Variants in SRGAP1 observed in about 807,000 individuals in gnomAD.
SRGAP1 encodes the protein SLIT-ROBO Rho GTPase activating protein 1, also known as SLIT-ROBO Rho GTPase-activating protein 1.
Under a neutral mutation model 121.9 loss-of-function variants are expected in SRGAP1, and 43 were observed. That is an observed-to-expected ratio of 0.35 (90% confidence interval 0.28 to 0.46). The LOEUF is 0.46. Ranked by LOEUF, SRGAP1 falls within the 20% of genes least tolerant of loss-of-function variation. SRGAP1 has a pLI of 1.00. For missense variants in SRGAP1, 1,102 were observed against 1,350.9 expected (o/e 0.82, Z 2.89); for synonymous variants, 447 against 485.4 (o/e 0.92, Z 1.04).
At chr12:64,080,458 G>C in intron 10 of SRGAP1, 88 bp downstream of exon 10, 1 of 1,169,248 alleles carries the variant, frequency 8.6e-7, no homozygotes, top group Non-Finnish European at 1.3e-6. Flanking sequence ...TTGTATATTT[G>C]TGCTTTAAGA....
chr12:63,923,892 C>T (rs532149612), intron 1 of SRGAP1, among the ~76,000 whole-genome samples: 42 of 152,288 alleles, frequency 2.8e-4, no homozygotes, highest in African/African-American at 8.7e-4. Context: ...CCTGTAATCC[C>T]GCACTTTGGG....
At chr12:63,970,943 A>T (rs1397258376) in intron 1 of SRGAP1, among the ~76,000 whole-genome samples, 1 of 152,222 alleles carries the variant, frequency 6.6e-6, no homozygotes, top group African/African-American at 2.4e-5. Flanking sequence ...TCAAGATAGC[A>T]TCCTATATCA....
chr12:64,009,110 A>C (rs1420743392), intron 3 of SRGAP1, among the ~76,000 whole-genome samples: 1 of 152,166 alleles, frequency 6.6e-6, no homozygotes, highest in Non-Finnish European at 1.5e-5. Context: ...TTATGGTAAT[A>C]GTGAGAAATT....
intron 4 of SRGAP1, among the ~76,000 whole-genome samples, chr12:64,032,845 T>G (rs560901232): frequency 6.6e-6 from 1 of 152,308 alleles, no homozygotes; most frequent in Non-Finnish European, 1.5e-5. Context: ...ATGTACATAT[T>G]TTCATATAAT....
intron 21 of SRGAP1, among the ~76,000 whole-genome samples, chr12:64,133,193 T>G (rs1318390110): frequency 2.0e-5 from 3 of 152,206 alleles, no homozygotes; most frequent in Non-Finnish European, 4.4e-5. Context: ...CCTCCAGGGA[T>G]GCAATATTGT....
At chr12:64,136,362 G>C (rs1259330753) in intron 21 of SRGAP1, among the ~76,000 whole-genome samples, 1 of 152,082 alleles carries the variant, frequency 6.6e-6, no homozygotes, top group Non-Finnish European at 1.5e-5. Flanking sequence ...CCAAGACCCT[G>C]TCTCCAAATA....
chr12:64,038,999 AAAAG>A (rs1167779655), intron 4 of SRGAP1: 9 of 152,338 alleles, frequency 5.9e-5, no homozygotes, highest in Non-Finnish European at 5.9e-5. Flanking sequence ...ACTTCTCTGA[AAAAG>A]AAAGAGAACT....
chr12:64,090,685 T>TA (rs1225268604), intron 11 of SRGAP1, among the ~76,000 whole-genome samples: 2 of 152,004 alleles, frequency 1.3e-5, no homozygotes, highest in African/African-American at 4.8e-5. Flanking sequence ...ATAAAAAATT[T>TA]AAAAATTAGC....
chr12:64,157,017 A>C lies in SRGAP1; in HGVS notation c.*14345A>C, dbSNP rs1295676624. 6.8e-6 allele frequency: 1 copy of C among 146,134 alleles called. No individual in the cohort carries two copies. The highest frequency in any genetic ancestry group is 1.5e-5 in the Non-Finnish European group (1 of 65,536). 9.1% of individuals were successfully genotyped at this position (146,134 alleles called of 1,614,324 possible). ...GGTTTGATATGGTAGCTGCACTTCTAAAAAAAAAAGGGGGCATTCTTGGCA... is the reference window on the plus strand; with the variant it reads ...GGTTTGATATGGTAGCTGCACTTCTCAAAAAAAAAGGGGGCATTCTTGGCA... On this transcript the variant is annotated 3_prime_UTR_variant, in exon 22 of 22. Transcript: ENST00000355086.
chr12:64,118,775 G>A (rs1266062455), intron 18 of SRGAP1, among the ~76,000 whole-genome samples: 1 of 152,038 alleles, frequency 6.6e-6, no homozygotes, highest in Non-Finnish European at 1.5e-5. Flanking sequence ...ATGCTGGAGT[G>A]CAGTGGCATG....
At chr12:63,973,483 A>G (rs12320688) in intron 1 of SRGAP1, among the ~76,000 whole-genome samples, 4,216 of 152,254 alleles carry the variant, frequency 0.028, 182 homozygotes, top group African/African-American at 0.095. Flanking sequence ...TGTAATGGAG[A>G]CACCACATAA....
At chr12:64,008,119 A>G (rs1280130803) in intron 3 of SRGAP1, among the ~76,000 whole-genome samples, 1 of 152,212 alleles carries the variant, frequency 6.6e-6, no homozygotes, top group African/African-American at 2.4e-5. Flanking sequence ...CCTTTTAACA[A>G]CGCTATGGAG....
chr12:64,120,931 T>C (rs1307395951), intron 18 of SRGAP1, among the ~76,000 whole-genome samples: 1 of 152,174 alleles, frequency 6.6e-6, no homozygotes, highest in East Asian at 1.9e-4. Context: ...ATCCAGCATT[T>C]TTTGTTCATT....
intron 4 of SRGAP1, among the ~76,000 whole-genome samples, chr12:64,030,014 C>A (rs544839619): frequency 6.6e-6 from 1 of 152,230 alleles, no homozygotes; most frequent in South Asian, 2.1e-4. Flanking sequence ...ACAATGAGTA[C>A]TTGAGAGAAA....
Position 64,136,853 on chromosome 12 carries a change from C to T in SRGAP1, c.2881-5442C>T, listed in dbSNP as rs116823431. 1.2e-3 allele frequency among the ~76,000 whole-genome samples: 176 copies of T among 152,240 alleles called. 1 individual carries two copies. The highest frequency in any genetic ancestry group is 4.0e-3 in the African/African-American group (165 of 41,532). ...TTATAACATCACTGCTTATAATAAG[C>T]AGGTGAAACATAATTTGGGTTAGAG... is the stretch of plus-strand genomic sequence containing the variant. On this transcript the variant is annotated intron_variant, in intron 21 of 21. Coordinates refer to ENST00000355086, the MANE Select transcript of SRGAP1 (RefSeq NM_020762.4).
chr12:63,873,147 T>C (rs1899910677), intron 1 of SRGAP1, among the ~76,000 whole-genome samples: 1 of 152,206 alleles, frequency 6.6e-6, no homozygotes, highest in African/African-American at 2.4e-5. Context: ...CCTGGCAGTG[T>C]AAGTGAATTT....
chr12:63,866,656 T>C (rs994888470), intron 1 of SRGAP1, among the ~76,000 whole-genome samples: 2 of 152,002 alleles, frequency 1.3e-5, no homozygotes, highest in East Asian at 3.9e-4. Flanking sequence ...TATTTATATT[T>C]ATAATAGTTA....
In SRGAP1 at chr12:64,115,855, A is replaced by C. The variant is rs1160085927; in HGVS notation, c.2186A>C (p.Asp729Ala). ...GAGCACGGTACATTGGAGGAAGTGG[A>C]CCAAGATGCTGGTACAGAGCCCCAC... Reference protein sequence around the residue: ...YSEHGTLEEVDQDAGTEPHTS... With the variant: ...YSEHGTLEEVAQDAGTEPHTS... Residue 729 changes from aspartate (D) to alanine (A), a missense_variant, in exon 18 of 22, where the codon GAC (aspartate) becomes GCC (alanine). By Grantham distance (126) the Asp-to-Ala change is moderately radical. This residue lies in a region of SRGAP1 where 747 missense variants were observed against 929.4 expected (regional missense o/e 0.80). Coordinates refer to ENST00000355086, the MANE Select transcript of SRGAP1 (RefSeq NM_020762.4). The C allele has an allele frequency of 1.2e-6, 2 of 1,613,746 alleles. No homozygotes were observed. The highest frequency in any genetic ancestry group is 3.3e-5 in the Admixed American group (2 of 59,976).
chr12:64,141,590 A>G (rs1008993384), intron 21 of SRGAP1, among the ~76,000 whole-genome samples: 9 of 152,144 alleles, frequency 5.9e-5, no homozygotes, highest in African/African-American at 1.2e-4. Context: ...GGGGGGGGAA[A>G]AAGTTGAAAA....
Sources: allele counts gnomAD v4.1 joint callset (sites outside exome capture counted in the v4.1 genomes callset), GRCh38; gene constraint gnomAD v4.1.1; regional missense constraint gnomAD v4.1.1; transcripts MANE v1.5; gene names NCBI Gene and HGNC (gene_info 2026-07-23, HGNC 2026-07-21).